AGMO: variants seen among roughly 807,000 people sequenced by gnomAD.
AGMO encodes the protein glyceryl-ether monooxygenase.
A neutral mutation model predicts 60.2 loss-of-function variants in AGMO; 75 were observed. That is an observed-to-expected ratio of 1.25 (90% CI 1.03 to 1.51). AGMO has a LOEUF of 1.51. Among genes scored for constraint, AGMO ranks in the 40% most tolerant of loss-of-function variants. The pLI, the probability that AGMO is intolerant of heterozygous loss-of-function variation, is 0.00. For missense variants in AGMO, 763 were observed against 525.5 expected, an observed-to-expected ratio of 1.45 and a Z score of -4.42; for synonymous variants, 261 against 177.1, an observed-to-expected ratio of 1.47 and a Z score of -3.76.
At chr7:15,117,278 G>A in the AGMO span, among the ~76,000 whole-genome samples, 1 of 151,974 alleles carries the variant, frequency 6.6e-6, no homozygotes, top group Non-Finnish European at 1.5e-5. Context: ...GGGGATGATA[G>A]GAGGGTAATA....
chr7:15,504,950 A>G (rs1386649945), intron 3 of AGMO, among the ~76,000 whole-genome samples: 1 of 152,002 alleles, frequency 6.6e-6, no homozygotes, highest in Non-Finnish European at 1.5e-5. Context: ...ACTATAAAAT[A>G]TCATCAGTAA....
chr7:15,503,119 A>G (rs1374183379), intron 3 of AGMO, among the ~76,000 whole-genome samples: 1 of 152,024 alleles, frequency 6.6e-6, no homozygotes, highest in Non-Finnish European at 1.5e-5. Context: ...TTTTCAATTC[A>G]TGTATTCATT....
intron 3 of AGMO, among the ~76,000 whole-genome samples, chr7:15,495,171 C>A (rs1379820619): frequency 2.6e-5 from 4 of 152,118 alleles, no homozygotes; most frequent in South Asian, 2.1e-4. Context: ...TGCTTTATAA[C>A]GTTTTGCCTG....
chr7:15,389,917 T>A (rs1382073148), intron 8 of AGMO, among the ~76,000 whole-genome samples: 1 of 152,214 alleles, frequency 6.6e-6, no homozygotes, highest in Non-Finnish European at 1.5e-5. Context: ...CGAAGTAGTC[T>A]GGAAAAGCTG....
At chr7:15,181,680 A>C in the AGMO span, among the ~76,000 whole-genome samples, 1 of 152,134 alleles carries the variant, frequency 6.6e-6, no homozygotes, top group Admixed American at 6.5e-5. Context: ...AATATTCACT[A>C]TAACGGAAAA....
chr7:15,210,663 A>G (rs1781563949), intron 12 of AGMO, among the ~76,000 whole-genome samples: 1 of 152,122 alleles, frequency 6.6e-6, no homozygotes, highest in Non-Finnish European at 1.5e-5. Context: ...ATAACAGAGA[A>G]CAGAATTGCA....
rs1177110461 is a variant in AGMO, at chr7:15,406,852, G to A, written c.609+11706C>T. Among the ~76,000 whole-genome samples, 3 of 113,844 alleles carry A rather than the reference G, an allele frequency of 2.6e-5. No homozygotes were observed. In the East Asian group the frequency reaches 7.0e-4, roughly 27 times the overall value. The allele number at this position is 113,844 out of a possible 152,430, so 74.7% of individuals were successfully genotyped here. On this transcript the variant is annotated intron_variant, in intron 5 of 12. Transcript: ENST00000342526. ...TACACATATATGTATATGTATATGT[G>A]ATCCTAAAATTGTTAGTGACAACGG...
intron 12 of AGMO, among the ~76,000 whole-genome samples, chr7:15,312,171 G>A (rs1027008032): frequency 1.3e-5 from 2 of 151,930 alleles, no homozygotes; most frequent in African/African-American, 4.8e-5. Context: ...GTTCCAAAAG[G>A]AAAAAGAAAG....
intron 12 of AGMO, among the ~76,000 whole-genome samples, chr7:15,355,486 CTG>C (rs2128556524): frequency 8.8e-6 from 1 of 113,748 alleles, no homozygotes; most frequent in East Asian, 2.5e-4. Context: ...GCCTGGACAA[CTG>C]AGTGAGACTC....
At chr7:15,476,980 G>A (rs2128515407) in intron 3 of AGMO, among the ~76,000 whole-genome samples, 1 of 152,012 alleles carries the variant, frequency 6.6e-6, no homozygotes, top group East Asian at 1.9e-4. Context: ...TTATGATCAT[G>A]ACCAGCTTAT....
chr7:15,276,965 T>G (rs889455665), intron 12 of AGMO, among the ~76,000 whole-genome samples: 25 of 151,948 alleles, frequency 1.6e-4, no homozygotes, highest in Non-Finnish European at 5.9e-5. Context: ...TTGTGTTGGT[T>G]TCCAATCTTC....
rs527466643 is a variant in AGMO at position 15,437,348 on chromosome 7, T to C, written c.410-6240A>G. Reference sequence around the variant, plus strand: ...TTTGTCTTATAATTTTTCTATTCTATCCTTGCTCACTTAATATCAGAACAC... The same window carrying C: ...TTTGTCTTATAATTTTTCTATTCTACCCTTGCTCACTTAATATCAGAACAC... On this transcript the variant is annotated intron_variant, in intron 3 of 12. Transcript: ENST00000342526. Among the ~76,000 whole-genome samples, 4 of 152,246 alleles carry C rather than the reference T, an allele frequency of 2.6e-5. No individual in the cohort carries two copies. The South Asian group carries it at 6.2e-4, about 24-fold the overall frequency.
intron 12 of AGMO, among the ~76,000 whole-genome samples, chr7:15,208,196 G>C (rs899091755): frequency 6.6e-6 from 1 of 152,016 alleles, no homozygotes; most frequent in African/African-American, 2.4e-5. Flanking sequence ...GTGACTTTTT[G>C]GACTTTTTCT....
At chr7:15,184,437 G>A in the AGMO span, among the ~76,000 whole-genome samples, 2 of 140,502 alleles carry the variant, frequency 1.4e-5, no homozygotes, top group African/African-American at 5.4e-5. Flanking sequence ...AAGGAAGGAA[G>A]GGAGGGAGGG....
intron 3 of AGMO, among the ~76,000 whole-genome samples, chr7:15,490,683 T>C (rs1157459846): frequency 6.6e-6 from 1 of 152,056 alleles, no homozygotes; most frequent in East Asian, 1.9e-4. Flanking sequence ...ATTTTAGTAA[T>C]AGACAATTCA....
the AGMO span, among the ~76,000 whole-genome samples, chr7:15,158,526 T>C: frequency 6.6e-6 from 1 of 152,158 alleles, no homozygotes; most frequent in Non-Finnish European, 1.5e-5. Context: ...GTTTTTCAGG[T>C]TTTGTTTTTT....
At chr7:15,543,632 G>T (rs1784690285) in intron 3 of AGMO, among the ~76,000 whole-genome samples, 1 of 152,004 alleles carries the variant, frequency 6.6e-6, no homozygotes, top group African/African-American at 2.4e-5. Flanking sequence ...CAATAATTGT[G>T]CTGTGAAGTT....
chr7:15,420,771 G>C (rs1159753676), intron 4 of AGMO, among the ~76,000 whole-genome samples: 1 of 151,934 alleles, frequency 6.6e-6, no homozygotes, highest in Non-Finnish European at 1.5e-5. Context: ...AGAGTAACTT[G>C]GTAGCTGGAT....
At chr7:15,127,283 C>A in the AGMO span, among the ~76,000 whole-genome samples, 7 of 152,118 alleles carry the variant, frequency 4.6e-5, no homozygotes, top group Non-Finnish European at 1.0e-4. Context: ...TGACTCTTTT[C>A]ATCAACAAAC....
Sources: allele counts gnomAD v4.1 joint callset (sites outside exome capture counted in the v4.1 genomes callset), GRCh38; gene constraint gnomAD v4.1.1; transcripts MANE v1.5; gene names NCBI Gene and HGNC (gene_info 2026-07-23, HGNC 2026-07-21).